HLCS: variants seen among roughly 807,000 people sequenced by gnomAD.
The protein encoded by HLCS is holocarboxylase synthetase, also known as biotin--protein ligase.
In HLCS, 53 loss-of-function variants were observed where a neutral mutation model predicts 75.0. The ratio of observed to expected loss-of-function variants is 0.71; its 90% CI spans 0.57 to 0.89. HLCS has a LOEUF of 0.89. Among genes scored for constraint, HLCS ranks in the 40% least tolerant of loss-of-function variants. HLCS has a pLI of 0.00. For synonymous variants in HLCS, 431 were observed against 428.6 expected (o/e 1.01, Z -0.07); for missense variants, 966 against 1,074.0 (o/e 0.90, Z 1.41).
At chr21:36,855,561 A>T (rs1422211112) in intron 6 of HLCS, among the ~76,000 whole-genome samples, 1 of 145,616 alleles carries the variant, frequency 6.9e-6, no homozygotes, top group African/African-American at 2.6e-5. Flanking sequence ...AAAAAAAAAA[A>T]AGGTTAAAGG....
chr21:36,925,405 T>C (rs2066357243), intron 5 of HLCS, among the ~76,000 whole-genome samples: 1 of 152,212 alleles, frequency 6.6e-6, no homozygotes, highest in African/African-American at 2.4e-5. Context: ...TTTTTCATTT[T>C]GGAAAAATTC....
intron 6 of HLCS, among the ~76,000 whole-genome samples, chr21:36,822,064 C>T (rs138391678): frequency 2.0e-5 from 3 of 152,104 alleles, no homozygotes; most frequent in East Asian, 1.9e-4. Flanking sequence ...CATTGTCAGG[C>T]CTTGTAAAAG....
intron 6 of HLCS, among the ~76,000 whole-genome samples, chr21:36,844,470 A>G (rs1179290839): frequency 2.0e-5 from 3 of 152,272 alleles, no homozygotes; most frequent in African/African-American, 7.2e-5. Flanking sequence ...AAATATAAAT[A>G]AATAAATAAA....
intron 6 of HLCS, among the ~76,000 whole-genome samples, chr21:36,873,398 G>T (rs1379299810): frequency 6.6e-6 from 1 of 152,250 alleles, no homozygotes; most frequent in African/African-American, 2.4e-5. Context: ...TCACAAGCGT[G>T]AGCCACCACA....
At chr21:36,764,872 G>A (rs879892516) in intron 8 of HLCS, 140 bp downstream of exon 8, 33 of 890,068 alleles carry the variant, frequency 3.7e-5, no homozygotes, top group Admixed American at 3.0e-4. Context: ...TGAAAACTCC[G>A]AGAGCACTTT....
At chr21:36,812,741 C>A (rs2061548832) in intron 6 of HLCS, among the ~76,000 whole-genome samples, 1 of 152,110 alleles carries the variant, frequency 6.6e-6, no homozygotes, top group Non-Finnish European at 1.5e-5. Flanking sequence ...AATTTTTCAC[C>A]TCTGACTTTT....
At chr21:36,766,178 C>G (rs1345930750) in intron 7 of HLCS, among the ~76,000 whole-genome samples, 1 of 152,124 alleles carries the variant, frequency 6.6e-6, no homozygotes, top group Non-Finnish European at 1.5e-5. Flanking sequence ...TGAGTACCAC[C>G]ATGCCCGGCT....
At chr21:36,919,913 A>T (rs1021724601) in intron 5 of HLCS, among the ~76,000 whole-genome samples, 15 of 152,086 alleles carry the variant, frequency 9.9e-5, no homozygotes, top group East Asian at 1.9e-4. Flanking sequence ...GTTAAAAAAA[A>T]TTTTTTTTAG....
intron 6 of HLCS, among the ~76,000 whole-genome samples, chr21:36,890,583 G>C (rs1043678309): frequency 1.3e-5 from 2 of 152,102 alleles, no homozygotes; most frequent in African/African-American, 4.8e-5. Context: ...GGAGACACAA[G>C]GTGAAGGCGG....
intron 1 of HLCS, among the ~76,000 whole-genome samples, chr21:36,965,177 C>T (rs1056967695): frequency 1.3e-5 from 2 of 152,210 alleles, no homozygotes; most frequent in Non-Finnish European, 2.9e-5. Flanking sequence ...GCACAGCCTC[C>T]AGGCAATGTT....
intron 6 of HLCS, among the ~76,000 whole-genome samples, chr21:36,877,789 A>T (rs551179206): frequency 2.0e-5 from 3 of 152,112 alleles, no homozygotes; most frequent in South Asian, 4.1e-4. Context: ...ACATTATCTT[A>T]GTGTTCTTTT....
intron 6 of HLCS, among the ~76,000 whole-genome samples, chr21:36,792,324 G>A (rs1025443594): frequency 6.6e-6 from 1 of 152,078 alleles, no homozygotes; most frequent in Non-Finnish European, 1.5e-5. Context: ...TGCCATCTGT[G>A]TGTCACTGTT....
rs145228673 is a variant in HLCS at position 36,918,215 on chromosome 21, T to C, written c.1620+12036A>G. On this transcript the variant is annotated intron_variant, in intron 5 of 10. Transcript: ENST00000674895. ...AGTGCCGGAAATTCTTCCTGCAAAG[T>C]AAGGAATTGCTCCATATGGCAGAAA... 2.8e-3 allele frequency among the ~76,000 whole-genome samples: 433 copies of C among 152,320 alleles called. 1 individual carries two copies. In the Middle Eastern group the frequency reaches 0.041, roughly 14 times the overall value.
At chr21:36,959,145 C>T (rs2068136378) in intron 2 of HLCS, among the ~76,000 whole-genome samples, 1 of 152,186 alleles carries the variant, frequency 6.6e-6, no homozygotes. Context: ...TCCCAGAGGC[C>T]CCCGCTTCCC....
upstream of HLCS, among the ~76,000 whole-genome samples, chr21:36,967,661 G>A (rs758500707): frequency 6.6e-6 from 1 of 152,208 alleles, no homozygotes; most frequent in Non-Finnish European, 1.5e-5. Context: ...CTGAAAATAG[G>A]TGGCAAGATG....
At chr21:36,897,941 T>A (rs1408272728) in intron 5 of HLCS, among the ~76,000 whole-genome samples, 1 of 152,080 alleles carries the variant, frequency 6.6e-6, no homozygotes, top group African/African-American at 2.4e-5. Flanking sequence ...GTACAAAACT[T>A]ACTAAGATCT....
intron 5 of HLCS, among the ~76,000 whole-genome samples, chr21:36,902,915 A>C (rs973140470): frequency 6.6e-6 from 1 of 152,216 alleles, no homozygotes; most frequent in Non-Finnish European, 1.5e-5. Context: ...GAAGGTGTAC[A>C]GAAAGCAGTA....
At chr21:36,870,728 G>C (rs1055994987) in intron 6 of HLCS, among the ~76,000 whole-genome samples, 1 of 152,162 alleles carries the variant, frequency 6.6e-6, no homozygotes, top group Non-Finnish European at 1.5e-5. Flanking sequence ...TTAGCAGTGA[G>C]AATTTTCAAT....
At position 36,911,897 on chromosome 21, in the gene HLCS, CCT is replaced by C. The variant is rs1374131964; in HGVS notation, c.1621-14768_1621-14767del. Among the ~76,000 whole-genome samples the C allele has an allele frequency of 2.0e-5, 3 of 151,674 alleles. No homozygotes were observed. The East Asian group carries it at 5.8e-4, about 29-fold the overall frequency. On this transcript the variant is annotated intron_variant, in intron 5 of 10. Transcript: ENST00000674895. ...ACCAGCCTGACCAACATGGTGAAAC[CCT>C]GTCTCTACCAAAAATACAAAAATTA...
Sources: allele counts gnomAD v4.1 joint callset (sites outside exome capture counted in the v4.1 genomes callset), GRCh38; gene constraint gnomAD v4.1.1; transcripts MANE v1.5; gene names NCBI Gene and HGNC (gene_info 2026-07-23, HGNC 2026-07-21).